The following UBE2L3 variants were observed in gnomAD, a reference collection of about 807,000 sequenced individuals.
The protein encoded by UBE2L3 is ubiquitin conjugating enzyme E2 L3.
In UBE2L3, 1 loss-of-function variant was observed where a neutral mutation model predicts 17.8. The ratio of observed to expected loss-of-function variants is 0.06; its 90% confidence interval spans 0.02 to 0.27. The LOEUF (loss-of-function observed/expected upper bound fraction) is 0.27, where lower values mean the gene tolerates loss of function less well. UBE2L3 is among the 10% of genes least tolerant of loss of function. The pLI, the probability that UBE2L3 is intolerant of heterozygous loss-of-function variation, is 1.00. For missense variants in UBE2L3, 40 were observed against 192.6 expected, an observed-to-expected ratio of 0.21 and a Z score of 4.69; for synonymous variants, 44 against 68.5, an observed-to-expected ratio of 0.64 and a Z score of 1.76.
intron 3 of UBE2L3, 77 bp from the exon 4 acceptor site, chr22:21,621,438 T>G: frequency 6.7e-7 from 1 of 1,483,716 alleles, no homozygotes; most frequent in African/African-American, 1.4e-5. Flanking sequence ...AGAGTTTTGT[T>G]CCCGGATTAG....
intron 1 of UBE2L3, among the ~76,000 whole-genome samples, chr22:21,560,881 T>A (rs1384236074): frequency 2.6e-5 from 4 of 152,284 alleles, no homozygotes; most frequent in Admixed American, 2.6e-4. Context: ...AGGACAGTCC[T>A]TCATCAAATG....
intron 3 of UBE2L3, among the ~76,000 whole-genome samples, chr22:21,620,940 T>C (rs1215754554): frequency 2.0e-5 from 3 of 152,158 alleles, no homozygotes; most frequent in Non-Finnish European, 2.9e-5. Flanking sequence ...AAAGTGACCC[T>C]GTGTGCATGC....
intron 1 of UBE2L3, chr22:21,568,095 G>A: frequency 8.7e-7 from 1 of 1,148,490 alleles, no homozygotes; most frequent in South Asian, 3.2e-5. Flanking sequence ...GTTAATGTGA[G>A]AGCCCGGTTG....
At chr22:21,592,325 G>C (rs1360545468) in intron 1 of UBE2L3, among the ~76,000 whole-genome samples, 1 of 151,562 alleles carries the variant, frequency 6.6e-6, no homozygotes, top group Non-Finnish European at 1.5e-5. Context: ...CCCATGTTGA[G>C]GTGGAGTCCT....
In UBE2L3 at chr22:21,621,389, G is replaced by A. The variant is rs542558605; in HGVS notation, c.311-126G>A. ...TTTTGGATAAATAGGAGGCAGCTTT[G>A]GCTTAAAAGCACATTAGCTGTAAAT... On this transcript the variant is annotated intron_variant, in intron 3 of 3. Transcript: ENST00000342192. 2.0e-5 allele frequency: 24 copies of A among 1,227,172 alleles called. No homozygotes were observed. The East Asian group carries it at 6.2e-4, about 32-fold the overall frequency. The allele number at this position is 1,227,172 out of a possible 1,614,324, so 76.0% of individuals were successfully genotyped here.
intron 1 of UBE2L3, among the ~76,000 whole-genome samples, chr22:21,577,523 G>T (rs1049732816): frequency 6.6e-6 from 1 of 152,214 alleles, no homozygotes; most frequent in Non-Finnish European, 1.5e-5. Flanking sequence ...CTGTGTGAGG[G>T]ATCTTGGAAA....
In UBE2L3 at chr22:21,622,137, T is replaced by C. The variant is rs139298399; in HGVS notation, c.*468T>C. ...GGAGAAGAGACTGCCCTGGCGGTCC[T>C]GGTGGCTTTTCTTAGCATGTGTGGC... is the stretch of plus-strand genomic sequence containing the variant. On this transcript the variant is annotated 3_prime_UTR_variant, in exon 4 of 4. Coordinates refer to ENST00000342192, the MANE Select transcript of UBE2L3 (RefSeq NM_003347.4). 2.8e-3 allele frequency: 455 copies of C among 161,744 alleles called. 2 individuals are homozygous for C. The highest frequency in any genetic ancestry group is 0.018 in the Middle Eastern group (6 of 342). 10.0% of individuals were successfully genotyped at this position (161,744 alleles called of 1,614,324 possible). A position where few individuals can be genotyped will look rare whatever the true frequency, so the allele number is the denominator to read the frequency against.
chr22:21,566,491 C>G (rs1010539794), upstream of UBE2L3, among the ~76,000 whole-genome samples: 2 of 151,574 alleles, frequency 1.3e-5, no homozygotes, highest in African/African-American at 4.9e-5. Context: ...GGAGGCGAAG[C>G]AGGAGGATCC....
intron 1 of UBE2L3, among the ~76,000 whole-genome samples, chr22:21,573,619 A>G (rs374904410): frequency 4.6e-5 from 7 of 152,182 alleles, no homozygotes. Flanking sequence ...CCCTTTAAGC[A>G]CGAGTAGGGT....
chr22:21,565,107 T>A (rs899846079), upstream of UBE2L3, among the ~76,000 whole-genome samples: 4 of 151,830 alleles, frequency 2.6e-5, no homozygotes, highest in African/African-American at 7.3e-5. Context: ...ATATATATAT[T>A]TTTGAGACTG....
chr22:21,586,532 AAGTGCTGGGATTAC>A (rs1439031633), intron 1 of UBE2L3, among the ~76,000 whole-genome samples: 1 of 149,100 alleles, frequency 6.7e-6, no homozygotes, highest in Non-Finnish European at 1.5e-5. Context: ...CGGCCTCCCA[AAGTGCTGGGATTAC>A]AGGCTTGAGC....
intron 3 of UBE2L3, among the ~76,000 whole-genome samples, chr22:21,612,938 G>A (rs185146011): frequency 1.3e-5 from 2 of 152,120 alleles, no homozygotes; most frequent in African/African-American, 4.8e-5. Context: ...TGCCCGGCGA[G>A]CCTGGTTTTT....
intron 2 of UBE2L3, among the ~76,000 whole-genome samples, chr22:21,603,718 C>A (rs1489592125): frequency 6.6e-6 from 1 of 150,824 alleles, no homozygotes; most frequent in East Asian, 2.0e-4. Flanking sequence ...TGGTGGGTGC[C>A]TGTAGTCCTA....
intron 2 of UBE2L3, among the ~76,000 whole-genome samples, chr22:21,609,584 T>TAA (rs1929366498): frequency 6.6e-6 from 1 of 152,108 alleles, no homozygotes; most frequent in Non-Finnish European, 1.5e-5. Flanking sequence ...GGTGCCTATC[T>TAA]GTAGTCTCAG....
At chr22:21,581,221 A>T (rs867673360) in intron 1 of UBE2L3, among the ~76,000 whole-genome samples, 1 of 151,820 alleles carries the variant, frequency 6.6e-6, no homozygotes, top group African/African-American at 2.4e-5. Flanking sequence ...ATGCACAGCT[A>T]ATTTTTGCAT....
intron 3 of UBE2L3, among the ~76,000 whole-genome samples, chr22:21,611,508 C>T (rs918641745): frequency 2.0e-5 from 3 of 152,122 alleles, no homozygotes; most frequent in African/African-American, 7.2e-5. Flanking sequence ...CCTAGTTGCT[C>T]GGGTGATGTG....
At chr22:21,616,533 TC>T (rs990138071) in intron 3 of UBE2L3, among the ~76,000 whole-genome samples, 2 of 151,682 alleles carry the variant, frequency 1.3e-5, no homozygotes, top group African/African-American at 2.4e-5. Flanking sequence ...GCACCTGTAG[TC>T]CCAGCTACTC....
At chr22:21,608,741 ATT>A (rs779049247) in intron 2 of UBE2L3, among the ~76,000 whole-genome samples, 3 of 109,828 alleles carry the variant, frequency 2.7e-5, no homozygotes, top group Admixed American at 1.0e-4. Context: ...AATATATTTA[ATT>A]TTTTTTTTTT....
chr22:21,584,920 C>T (rs967220094), intron 1 of UBE2L3, among the ~76,000 whole-genome samples: 2 of 152,136 alleles, frequency 1.3e-5, no homozygotes, highest in African/African-American at 4.8e-5. Context: ...GAGATCACGC[C>T]TCCACACTCC....
Sources: gnomAD v4.1 joint callset for allele counts (sites outside exome capture counted in the v4.1 genomes callset) on GRCh38, gnomAD v4.1.1 for gene constraint, MANE v1.5 for transcripts, NCBI Gene and HGNC (gene_info 2026-07-23, HGNC 2026-07-21) for gene names.